The following CCDC127 variants were observed in gnomAD, a reference collection of about 807,000 sequenced individuals.
The protein encoded by CCDC127 is coiled-coil domain-containing protein 127.
A neutral mutation model predicts 4.1 loss-of-function variants in CCDC127; 2 were observed. That is an observed-to-expected ratio of 0.49 (90% CI 0.20 to 1.53). CCDC127 has a LOEUF of 1.53. CCDC127 is among the 40% of genes most tolerant of loss of function. The pLI is 0.23. For synonymous variants in CCDC127, 98 were observed against 120.4 expected (o/e 0.81, Z 1.22); for missense variants, 271 against 322.9 (o/e 0.84, Z 1.23).
In CCDC127 at chr5:218,149, G is replaced by T. The variant is rs1192215553; in HGVS notation, c.-67C>A. 5 of 1,243,988 alleles carry T rather than the reference G, an allele frequency of 4.0e-6. No individual in the cohort carries two copies. The Admixed American group carries it at 1.7e-4, about 43-fold the overall frequency. The allele number at this position is 1,243,988 out of a possible 1,614,324, so 77.1% of individuals were successfully genotyped here. On this transcript the variant is annotated 5_prime_UTR_variant, in exon 1 of 3. Coordinates refer to ENST00000296824, the MANE Select transcript of CCDC127 (RefSeq NM_145265.3). ...CCTTAACGCCACCGTCCGCGGGTCC[G>T]CTTTGCGCAGGCGCGGCGCCCCCAC... is the stretch of plus-strand genomic sequence containing the variant.
intron 1 of CCDC127, 142 bp from the exon 2 acceptor site, chr5:217,001 G>A (rs1237365167): frequency 2.1e-5 from 11 of 533,758 alleles, no homozygotes; most frequent in African/African-American, 1.9e-4. Context: ...CATGGTGGCG[G>A]GCACCTGTAG....
intron 1 of CCDC127, chr5:217,064 G>T: frequency 1.9e-6 from 1 of 529,660 alleles, no homozygotes; most frequent in Non-Finnish European, 3.2e-6. Context: ...CTGGGAGGTG[G>T]AGGTTGCAGT....
chr5:207,218 G>A (rs1455425309), intron 2 of CCDC127, among the ~76,000 whole-genome samples: 1 of 152,120 alleles, frequency 6.6e-6, no homozygotes, highest in Non-Finnish European at 1.5e-5. Context: ...GTCCCCCTTG[G>A]ATATGCTGTT....
chr5:211,038 C>T (rs2126510046), intron 2 of CCDC127, among the ~76,000 whole-genome samples: 1 of 76,300 alleles, frequency 1.3e-5, no homozygotes, highest in Non-Finnish European at 2.5e-5. Flanking sequence ...CGACATCACA[C>T]ACTGCAGCCA....
At chr5:206,394 A>C (rs1466416641) in intron 2 of CCDC127, among the ~76,000 whole-genome samples, 1 of 152,238 alleles carries the variant, frequency 6.6e-6, no homozygotes, top group Non-Finnish European at 1.5e-5. Flanking sequence ...ATAAAAATAA[A>C]GTGGGTTAAG....
At chr5:210,489 T>A (rs1043315250) in intron 2 of CCDC127, among the ~76,000 whole-genome samples, 2 of 152,188 alleles carry the variant, frequency 1.3e-5, no homozygotes, top group African/African-American at 4.8e-5. Flanking sequence ...AAGGCAAGAA[T>A]ACTCATTTCA....
chr5:205,134 C>T lies in CCDC127; in HGVS notation c.*163G>A, dbSNP rs563892328. 4 of 618,506 alleles carry T rather than the reference C, an allele frequency of 6.5e-6. No homozygotes were observed. Among genetic ancestry groups the T allele is most frequent in the Middle Eastern group, 4.1e-4 (1 of 2,432 alleles). The allele number at this position is 618,506 out of a possible 1,614,324, so 38.3% of individuals were successfully genotyped here. A position where few individuals can be genotyped will look rare whatever the true frequency, so the allele number is the denominator to read the frequency against. ...AGGAGACCCTCTGTCTCTGAGGCTTCGGTGCACTTCTGCTCAGACGGTGGC... is the reference window on the plus strand; with the variant it reads ...AGGAGACCCTCTGTCTCTGAGGCTTTGGTGCACTTCTGCTCAGACGGTGGC... On this transcript the variant is annotated 3_prime_UTR_variant, in exon 3 of 3. Transcript: ENST00000296824.
intron 2 of CCDC127, among the ~76,000 whole-genome samples, chr5:213,652 G>A (rs993372427): frequency 6.6e-6 from 1 of 152,096 alleles, no homozygotes; most frequent in East Asian, 1.9e-4. Context: ...CGATGAGACA[G>A]CACCACACAC....
At chr5:207,850 A>G (rs943600247) in intron 2 of CCDC127, among the ~76,000 whole-genome samples, 1 of 152,162 alleles carries the variant, frequency 6.6e-6, no homozygotes, top group Admixed American at 6.5e-5. Context: ...CCCTGATACA[A>G]TCTGGGGACG....
rs117874016 is a variant in CCDC127, at chr5:208,967, G to C, written c.122-3009C>G. Among the ~76,000 whole-genome samples the C allele has an allele frequency of 6.8e-3, 994 of 145,140 alleles. 32 individuals carry two copies. Among genetic ancestry groups the C allele is most frequent in the Admixed American group, 0.054 (792 of 14,646 alleles). Reference sequence around the variant, plus strand: ...AGTATCATCTGACAAGGACTTCAGAGCAGCTGCCATGACAGAGAGCCTAAG... The same window carrying C: ...AGTATCATCTGACAAGGACTTCAGACCAGCTGCCATGACAGAGAGCCTAAG... On this transcript the variant is annotated intron_variant, in intron 2 of 2. Coordinates refer to ENST00000296824, the MANE Select transcript of CCDC127 (RefSeq NM_145265.3).
In CCDC127 at chr5:197,001, G is replaced by C. The variant is rs941034045; in HGVS notation, c.*8296C>G. 5.6e-4 allele frequency: 85 copies of C among 151,200 alleles called. No homozygotes were observed. The highest frequency in any genetic ancestry group is 1.9e-3 in the African/African-American group (78 of 40,758). The allele number at this position is 151,200 out of a possible 1,614,324, so 9.4% of individuals were successfully genotyped here. On this transcript the variant is annotated 3_prime_UTR_variant, in exon 3 of 3. Coordinates refer to ENST00000296824, the MANE Select transcript of CCDC127 (RefSeq NM_145265.3). ...CAGCAAAAAGGAATGTAGTAGGAGA[G>C]CAGGGTGATAATAAGGAGGAGGTCA...
At chr5:205,998 A>C in intron 2 of CCDC127, 40 bp from the exon 3 acceptor site, 1 of 1,542,408 alleles carries the variant, frequency 6.5e-7, no homozygotes, top group Non-Finnish European at 8.8e-7. Flanking sequence ...TGAAAAAGTT[A>C]GGGCTGAAGT....
At chr5:206,665 T>A (rs368940557) in intron 2 of CCDC127, among the ~76,000 whole-genome samples, 2 of 152,030 alleles carry the variant, frequency 1.3e-5, no homozygotes, top group Non-Finnish European at 2.9e-5. Context: ...CAAGTAAGAG[T>A]TGGATGTGTT....
rs926488065 is a variant in CCDC127 at position 197,551 on chromosome 5, A to T, written c.*7746T>A. The stretch of plus-strand genomic sequence containing the variant: ...TTTACCAAGCATACTGCTTGTAAAC[A>T]TTTTGTTAACAAGGCACGTCCTGCA... On this transcript the variant is annotated 3_prime_UTR_variant, in exon 3 of 3. Coordinates refer to ENST00000296824, the MANE Select transcript of CCDC127 (RefSeq NM_145265.3). 6.6e-6 allele frequency: 1 copy of T among 152,348 alleles called. No homozygotes were observed. The highest frequency in any genetic ancestry group is 1.9e-4 in the East Asian group (1 of 5,176). 9.4% of individuals were successfully genotyped at this position (152,348 alleles called of 1,614,324 possible). A position where few individuals can be genotyped will look rare whatever the true frequency, so the allele number is the denominator to read the frequency against.
chr5:206,875 C>A (rs1201166199), intron 2 of CCDC127, among the ~76,000 whole-genome samples: 1 of 152,088 alleles, frequency 6.6e-6, no homozygotes, highest in Non-Finnish European at 1.5e-5. Flanking sequence ...TTTTCAAAGC[C>A]CAAGGCCCCA....
rs1734046584 is a variant in CCDC127, at chr5:200,107, G to A, written c.*5190C>T. 1 of 152,212 alleles carries A rather than the reference G, an allele frequency of 6.6e-6. No homozygotes were observed. The highest frequency in any genetic ancestry group is 1.5e-5 in the Non-Finnish European group (1 of 68,104). 9.4% of individuals were successfully genotyped at this position (152,212 alleles called of 1,614,324 possible). The stretch of plus-strand genomic sequence containing the variant: ...CCAGGCGGCGGCAGCAGCTCTCAAG[G>A]TACACTTGTCCTGTGAGCCGCAGAG... On this transcript the variant is annotated 3_prime_UTR_variant, in exon 3 of 3. Transcript: ENST00000296824.
rs1734120183 is a variant in CCDC127, at chr5:203,968, G to A, written c.*1329C>T. ...TTCCCAGCACCATTAACTCCTACGC[G>A]TGGCTCTGTGACCACAGTACTTGTG... On this transcript the variant is annotated 3_prime_UTR_variant, in exon 3 of 3. Transcript: ENST00000296824. 6.6e-6 allele frequency: 1 copy of A among 152,232 alleles called. No homozygotes were observed. Among genetic ancestry groups the A allele is most frequent in the Non-Finnish European group, 1.5e-5 (1 of 68,042 alleles). 9.4% of individuals were successfully genotyped at this position (152,232 alleles called of 1,614,324 possible). A position where few individuals can be genotyped will look rare whatever the true frequency, so the allele number is the denominator to read the frequency against.
intron 1 of CCDC127, 25 bp downstream of exon 1, chr5:218,068 C>G: frequency 5.2e-6 from 6 of 1,145,650 alleles, no homozygotes; most frequent in Non-Finnish European, 6.5e-6. Flanking sequence ...TGCCCACCAC[C>G]TCCCCGGAAC....
rs113642325 is a variant in CCDC127 at position 196,943 on chromosome 5, T to G, written c.*8354A>C. ...ACCTGCACTGGCACCGGCCTCTGAG[T>G]TCCCTCAGTTTTTATTATTATTTTC... is the stretch of plus-strand genomic sequence containing the variant. On this transcript the variant is annotated 3_prime_UTR_variant, in exon 3 of 3. Coordinates refer to ENST00000296824, the MANE Select transcript of CCDC127 (RefSeq NM_145265.3). The G allele has an allele frequency of 3.0e-5, 2 of 67,238 alleles. No individual in the cohort carries two copies. Among genetic ancestry groups the G allele is most frequent in the South Asian group, 6.5e-4 (1 of 1,532 alleles). 4.2% of individuals were successfully genotyped at this position (67,238 alleles called of 1,614,324 possible).
Sources: gnomAD v4.1 joint callset for allele counts (sites outside exome capture counted in the v4.1 genomes callset) on GRCh38, gnomAD v4.1.1 for gene constraint, MANE v1.5 for transcripts, NCBI Gene and HGNC (gene_info 2026-07-23, HGNC 2026-07-21) for gene names.